MARCHF4: variants seen among roughly 807,000 people sequenced by gnomAD.
The protein encoded by MARCHF4 is membrane associated ring-CH-type finger 4, also known as E3 ubiquitin-protein ligase MARCHF4.
MARCHF4 carries 14 observed loss-of-function variants against 43.9 expected under a neutral mutation model. The observed-to-expected ratio is 0.32, with a 90% CI of 0.21 to 0.50. The LOEUF is 0.50. Ranked by LOEUF, MARCHF4 falls within the 20% of genes least tolerant of loss-of-function variation. The pLI is 0.98. For missense variants in MARCHF4, 468 were observed against 536.7 expected (o/e 0.87, Z 1.27); for synonymous variants, 226 against 213.3 (o/e 1.06, Z -0.52).
chr2:216,300,280 T>C (rs1261614383), intron 1 of MARCHF4, among the ~76,000 whole-genome samples: 2 of 149,594 alleles, frequency 1.3e-5, no homozygotes, highest in Non-Finnish European at 2.9e-5. Flanking sequence ...CTCCTTTTCA[T>C]CATTTGAATT....
chr2:216,284,967 T>C (rs1015049889), intron 1 of MARCHF4, among the ~76,000 whole-genome samples: 2 of 152,204 alleles, frequency 1.3e-5, no homozygotes, highest in African/African-American at 2.4e-5. Flanking sequence ...GAGTGCCTTA[T>C]GCTGAGTGAC....
At chr2:216,355,621 G>A (rs925255136) in intron 1 of MARCHF4, among the ~76,000 whole-genome samples, 7 of 152,238 alleles carry the variant, frequency 4.6e-5, no homozygotes, top group East Asian at 3.9e-4. Context: ...ATCACATCAC[G>A]TACTCTTTCT....
chr2:216,265,101 G>A (rs375461752), intron 3 of MARCHF4, among the ~76,000 whole-genome samples: 10 of 152,302 alleles, frequency 6.6e-5, no homozygotes, highest in African/African-American at 2.4e-4. Context: ...GGAAGTGGCA[G>A]TGGATAGAGA....
At chr2:216,263,493 A>AAG (rs150783185) in intron 3 of MARCHF4, among the ~76,000 whole-genome samples, 108 of 58,968 alleles carry the variant, frequency 1.8e-3, no homozygotes, top group African/African-American at 3.7e-3. Flanking sequence ...AGGAGAGAGA[A>AAG]AGAGAGAGAG....
chr2:216,279,713 G>A (rs867286108), intron 2 of MARCHF4, among the ~76,000 whole-genome samples: 6 of 152,302 alleles, frequency 3.9e-5, no homozygotes, highest in Admixed American at 2.6e-4. Flanking sequence ...GGACATCAGC[G>A]TCTACATTTA....
At chr2:216,263,517 G>GAGAGAGAGAGAA (rs1690784905) in intron 3 of MARCHF4, among the ~76,000 whole-genome samples, 2 of 97,214 alleles carry the variant, frequency 2.1e-5, no homozygotes, top group African/African-American at 5.6e-5. Context: ...GAGAGAGAGA[G>GAGAGAGAGAGAA]AGAGAGAGAG....
chr2:216,266,282 TGA>T (rs1375429449), intron 3 of MARCHF4, among the ~76,000 whole-genome samples: 1 of 152,170 alleles, frequency 6.6e-6, no homozygotes, highest in East Asian at 1.9e-4. Context: ...AGGGTTGTTT[TGA>T]GATTAAATAA....
intron 2 of MARCHF4, among the ~76,000 whole-genome samples, chr2:216,283,023 T>G (rs1691155683): frequency 6.6e-6 from 1 of 152,178 alleles, no homozygotes; most frequent in Non-Finnish European, 1.5e-5. Flanking sequence ...GCCTGCATTT[T>G]GAGAAGACTG....
At chr2:216,348,676 T>C (rs1692357561) in intron 1 of MARCHF4, among the ~76,000 whole-genome samples, 2 of 152,184 alleles carry the variant, frequency 1.3e-5, no homozygotes, top group Admixed American at 6.5e-5. Flanking sequence ...CCATTCTTTA[T>C]TCTTTTACTT....
intron 1 of MARCHF4, among the ~76,000 whole-genome samples, chr2:216,322,446 A>G (rs1691912011): frequency 3.9e-5 from 6 of 152,152 alleles, no homozygotes; most frequent in Admixed American, 2.6e-4. Context: ...AACCTCCTGA[A>G]ATTACAGTAT....
rs771326013 is a variant in MARCHF4 at position 216,288,809 on chromosome 2, G to T, written c.517-5080C>A. On this transcript the variant is annotated intron_variant, in intron 1 of 3. Transcript: ENST00000273067. Reference sequence around the variant, plus strand: ...TAATATGCCTCCCCAAAATACGAAGGCGTGTTGAGCTAAGACAATTAAGAA... The same window carrying T: ...TAATATGCCTCCCCAAAATACGAAGTCGTGTTGAGCTAAGACAATTAAGAA... Among the ~76,000 whole-genome samples the T allele has an allele frequency of 2.6e-5, 4 of 152,220 alleles. No homozygotes were observed. In the East Asian group the frequency reaches 5.8e-4, roughly 22 times the overall value.
intron 3 of MARCHF4, among the ~76,000 whole-genome samples, chr2:216,270,792 A>T (rs1459748172): frequency 6.6e-6 from 1 of 151,644 alleles, no homozygotes; most frequent in Non-Finnish European, 1.5e-5. Context: ...ACACTCTGGG[A>T]CTCTCACTCT....
intron 3 of MARCHF4, among the ~76,000 whole-genome samples, chr2:216,268,399 T>A (rs1412790067): frequency 6.6e-6 from 1 of 152,224 alleles, no homozygotes; most frequent in East Asian, 1.9e-4. Context: ...CTATAATCCC[T>A]ACATGTCAAG....
At chr2:216,330,114 G>A (rs2105969122) in intron 1 of MARCHF4, among the ~76,000 whole-genome samples, 1 of 151,754 alleles carries the variant, frequency 6.6e-6, no homozygotes, top group South Asian at 2.1e-4. Context: ...AAAATGCCTA[G>A]TATACACCAA....
At chr2:216,329,401 A>G (rs1302064679) in intron 1 of MARCHF4, among the ~76,000 whole-genome samples, 3 of 152,028 alleles carry the variant, frequency 2.0e-5, no homozygotes, top group Non-Finnish European at 2.9e-5. Flanking sequence ...CAAACAAACA[A>G]ACAAAAAACA....
rs754188866 is a variant in MARCHF4, at chr2:216,369,803, C to A, written c.458G>T (p.Ser153Ile). 7 of 1,613,274 alleles carry A rather than the reference C, an allele frequency of 4.3e-6. No homozygotes were observed. The highest frequency in any genetic ancestry group is 5.9e-6 in the Non-Finnish European group (7 of 1,179,670). Residue 153 changes from serine (S) to isoleucine (I), a missense_variant, in exon 1 of 4, where the codon AGC becomes ATC. Physicochemically the swap from Ser to Ile is moderately radical, Grantham distance 142. Transcript: ENST00000273067. Reference sequence around the variant, plus strand: ...TGGGGTCCTCATACCACTGTCCAAGCTGCTGCCCAGTGAGTAGCGATCCTC... The same window carrying A: ...TGGGGTCCTCATACCACTGTCCAAGATGCTGCCCAGTGAGTAGCGATCCTC... ...KTEDRYSLGS[S>I]LDSGMRTPLC... is the part of the protein sequence containing the mutation.
chr2:216,284,192 A>G (rs1691182130), intron 1 of MARCHF4, among the ~76,000 whole-genome samples: 1 of 152,136 alleles, frequency 6.6e-6, no homozygotes, highest in Admixed American at 6.5e-5. Context: ...AGGGAAAGCC[A>G]CCATCAGCTC....
chr2:216,269,516 G>A (rs953712176), intron 3 of MARCHF4, among the ~76,000 whole-genome samples: 2 of 152,164 alleles, frequency 1.3e-5, no homozygotes, highest in African/African-American at 4.8e-5. Context: ...TTTTAATGAC[G>A]TGAGGACACA....
At chr2:216,288,049 GC>G (rs1156495091) in intron 1 of MARCHF4, among the ~76,000 whole-genome samples, 1 of 152,040 alleles carries the variant, frequency 6.6e-6, no homozygotes, top group Non-Finnish European at 1.5e-5. Flanking sequence ...GCAGCCTTGA[GC>G]TCCCCAGGCT....
Sources: gnomAD v4.1 joint callset for allele counts (sites outside exome capture counted in the v4.1 genomes callset) on GRCh38, gnomAD v4.1.1 for gene constraint, MANE v1.5 for transcripts, NCBI Gene and HGNC (gene_info 2026-07-23, HGNC 2026-07-21) for gene names.